CNTNAP5: variants seen among roughly 807,000 people sequenced by gnomAD.
CNTNAP5 encodes the protein contactin associated protein family member 5, also known as contactin-associated protein-like 5.
CNTNAP5 carries 72 observed loss-of-function variants against 150.2 expected under a neutral mutation model. That is an observed-to-expected ratio of 0.48 (90% CI 0.40 to 0.58). The LOEUF (loss-of-function observed/expected upper bound fraction) is 0.58. Among genes scored for constraint, CNTNAP5 ranks in the 20% least tolerant of loss-of-function variants. CNTNAP5 has a pLI of 0.00. For missense variants in CNTNAP5, 1,636 were observed against 1,626.2 expected (o/e 1.01, Z -0.10); for synonymous variants, 672 against 619.8 (o/e 1.08, Z -1.25).
At chr2:124,821,576 T>C (rs1305043464) in intron 19 of CNTNAP5, among the ~76,000 whole-genome samples, 1 of 152,148 alleles carries the variant, frequency 6.6e-6, no homozygotes, top group African/African-American at 2.4e-5. Flanking sequence ...CAGAGTAGAG[T>C]GCAATGTACA....
At chr2:124,674,192 C>G (rs1449761857) in intron 13 of CNTNAP5, among the ~76,000 whole-genome samples, 3 of 152,110 alleles carry the variant, frequency 2.0e-5, no homozygotes, top group Non-Finnish European at 4.4e-5. Flanking sequence ...TGATTTTTCT[C>G]TATAGTTTTA....
intron 3 of CNTNAP5, among the ~76,000 whole-genome samples, chr2:124,261,571 A>G (rs888913119): frequency 6.6e-6 from 1 of 152,168 alleles, no homozygotes; most frequent in Non-Finnish European, 1.5e-5. Flanking sequence ...AATCTGCCTC[A>G]TTATGTCCTG....
At chr2:124,302,765 G>C (rs1247971622) in intron 3 of CNTNAP5, among the ~76,000 whole-genome samples, 1 of 152,118 alleles carries the variant, frequency 6.6e-6, no homozygotes, top group Non-Finnish European at 1.5e-5. Context: ...TGTAGATTTG[G>C]CTCTTTACCC....
chr2:124,707,059 G>GA lies in CNTNAP5; in HGVS notation c.2078-40170_2078-40169insA, dbSNP rs1558743521. ...AGAAGAAGGAGGAGGAGGAGGAGGA[G>GA]GAGAGGAAGAGGAAGAAGAAGAAGA... On this transcript the variant is annotated intron_variant, in intron 13 of 23. Transcript: ENST00000682447. 9.7e-4 allele frequency among the ~76,000 whole-genome samples: 132 copies of GA among 135,802 alleles called. 1 individual carries two copies. Among genetic ancestry groups the GA allele is most frequent in the Admixed American group, 1.4e-3 (19 of 13,488 alleles). The allele number at this position is 135,802 out of a possible 152,430, so 89.1% of individuals were successfully genotyped here. A position where few individuals can be genotyped will look rare whatever the true frequency, so the allele number is the denominator to read the frequency against.
At chr2:124,711,538 A>C (rs1013962566) in intron 13 of CNTNAP5, among the ~76,000 whole-genome samples, 2 of 152,176 alleles carry the variant, frequency 1.3e-5, no homozygotes, top group Non-Finnish European at 2.9e-5. Flanking sequence ...GCAAACAGGC[A>C]ACATGGCTTA....
At chr2:124,555,391 G>A (rs1382136506) in intron 10 of CNTNAP5, among the ~76,000 whole-genome samples, 1 of 152,124 alleles carries the variant, frequency 6.6e-6, no homozygotes, top group Non-Finnish European at 1.5e-5. Context: ...CTCTATGCGT[G>A]GAAGCTCAGA....
At chr2:124,511,466 A>G (rs1434463464) in intron 8 of CNTNAP5, among the ~76,000 whole-genome samples, 2 of 152,216 alleles carry the variant, frequency 1.3e-5, no homozygotes, top group East Asian at 1.9e-4. Context: ...GCTTGAACTC[A>G]GGCTTCAGTG....
chr2:124,128,257 G>A (rs1051167456), intron 1 of CNTNAP5, among the ~76,000 whole-genome samples: 11 of 152,128 alleles, frequency 7.2e-5, no homozygotes, highest in Non-Finnish European at 1.3e-4. Flanking sequence ...CAAAGGATAT[G>A]AACAGACACT....
Position 124,417,505 on chromosome 2 carries a change from A to C in CNTNAP5, c.444A>C (p.Arg148Ser), listed in dbSNP as rs770178341. 1 of 1,613,886 alleles carries C rather than the reference A, an allele frequency of 6.2e-7. No individual in the cohort carries two copies. The highest frequency in any genetic ancestry group is 8.5e-7 in the Non-Finnish European group (1 of 1,179,866). ...ACCACAAGCTATTGCACTCAGTGAGAGCCCGATTTGTTCGCTTTGTGCCCC... is the reference window on the plus strand; with the variant it reads ...ACCACAAGCTATTGCACTCAGTGAGCGCCCGATTTGTTCGCTTTGTGCCCC... ...VVHHKLLHSV[R>S]ARFVRFVPLE... The change falls in exon 4 of 24, where the codon AGA becomes AGC. Residue 148 changes from arginine to serine, a missense_variant. Coordinates refer to ENST00000682447, the MANE Select transcript of CNTNAP5 (RefSeq NM_001367498.1).
chr2:124,537,210 A>C (rs147738757), intron 10 of CNTNAP5, among the ~76,000 whole-genome samples: 303 of 152,280 alleles, frequency 2.0e-3, no homozygotes, highest in South Asian at 7.0e-3. Context: ...GCTGCAACTC[A>C]TGGAGTCTAT....
At chr2:124,841,876 G>T (rs1682951526) in intron 19 of CNTNAP5, among the ~76,000 whole-genome samples, 1 of 152,008 alleles carries the variant, frequency 6.6e-6, no homozygotes, top group Non-Finnish European at 1.5e-5. Context: ...CAACCAACCA[G>T]GTAACAAACC....
chr2:124,438,221 T>C (rs1692583702), intron 5 of CNTNAP5, among the ~76,000 whole-genome samples: 1 of 152,190 alleles, frequency 6.6e-6, no homozygotes, highest in African/African-American at 2.4e-5. Flanking sequence ...CCAGAACTAC[T>C]AGATGGGAAA....
intron 13 of CNTNAP5, among the ~76,000 whole-genome samples, chr2:124,705,329 A>G (rs1324956291): frequency 6.6e-6 from 1 of 152,106 alleles, no homozygotes; most frequent in African/African-American, 2.4e-5. Flanking sequence ...GGAGTTCGAG[A>G]CCAGCCTGGC....
At chr2:124,796,338 CAAATA>C (rs1681846087) in intron 18 of CNTNAP5, among the ~76,000 whole-genome samples, 1 of 152,108 alleles carries the variant, frequency 6.6e-6, no homozygotes, top group African/African-American at 2.4e-5. Context: ...ACACAAATAT[CAAATA>C]AAAGTCCTTT....
chr2:124,240,971 C>G (rs1686871973), intron 2 of CNTNAP5, among the ~76,000 whole-genome samples: 1 of 152,082 alleles, frequency 6.6e-6, no homozygotes, highest in Admixed American at 6.6e-5. Context: ...TTTTCAATGA[C>G]ATAGATTGAA....
intron 13 of CNTNAP5, among the ~76,000 whole-genome samples, chr2:124,723,721 T>C (rs947715452): frequency 1.3e-5 from 2 of 152,192 alleles, no homozygotes; most frequent in Admixed American, 1.3e-4. Flanking sequence ...ACCTTCTTGA[T>C]ATGTCCCCAC....
intron 8 of CNTNAP5, among the ~76,000 whole-genome samples, chr2:124,513,595 G>C (rs1212471667): frequency 6.6e-6 from 1 of 152,200 alleles, no homozygotes; most frequent in Non-Finnish European, 1.5e-5. Flanking sequence ...TACACTAGTG[G>C]AGTTGACCTC....
chr2:124,652,011 C>T (rs1678333776), intron 13 of CNTNAP5, among the ~76,000 whole-genome samples: 1 of 152,164 alleles, frequency 6.6e-6, no homozygotes, highest in Non-Finnish European at 1.5e-5. Context: ...AGGATAAGGT[C>T]GTGCATGGGT....
chr2:124,337,062 C>G (rs1484652422), intron 3 of CNTNAP5, among the ~76,000 whole-genome samples: 2 of 152,106 alleles, frequency 1.3e-5, no homozygotes, highest in Non-Finnish European at 2.9e-5. Flanking sequence ...TTAATGATGG[C>G]CATTTTAACT....
Sources: gnomAD v4.1 joint callset for allele counts (sites outside exome capture counted in the v4.1 genomes callset) on GRCh38, gnomAD v4.1.1 for gene constraint, MANE v1.5 for transcripts, NCBI Gene and HGNC (gene_info 2026-07-23, HGNC 2026-07-21) for gene names.